Variants in PSMB7 observed in about 807,000 individuals in gnomAD.
The protein encoded by PSMB7 is proteasome subunit beta type-7.
In PSMB7, 5 loss-of-function variants were observed where a neutral mutation model predicts 28.1. The ratio of observed to expected loss-of-function variants is 0.18; its 90% CI spans 0.09 to 0.37. The LOEUF is 0.37. PSMB7 is among the 10% of genes least tolerant of loss of function. PSMB7 has a pLI of 1.00. For missense variants in PSMB7, 275 were observed against 346.2 expected (o/e 0.79, Z 1.63); for synonymous variants, 122 against 123.7 (o/e 0.99, Z 0.09).
At chr9:124,354,231 A>G (rs1830374087) in intron 7 of PSMB7, among the ~76,000 whole-genome samples, 1 of 152,206 alleles carries the variant, frequency 6.6e-6, no homozygotes, top group African/African-American at 2.4e-5. Context: ...AAGTCTCAAG[A>G]AAAGTTAACT....
At position 124,414,822 on chromosome 9, in the gene PSMB7, C is replaced by G. The variant is rs779699865; in HGVS notation, c.156+20G>C. On this transcript the variant is annotated intron_variant, in intron 2 of 7. Coordinates refer to ENST00000259457, the MANE Select transcript of PSMB7 (RefSeq NM_002799.4). The stretch of plus-strand genomic sequence containing the variant: ...TGTTGCCGGTTCAGTCACTGCTGCT[C>G]TTAGCCTAACCCGGCTTACCTTATA... The G allele has an allele frequency of 6.2e-7, 1 of 1,606,794 alleles. No homozygotes were observed.
At chr9:124,365,787 C>T (rs1472473316) in intron 6 of PSMB7, among the ~76,000 whole-genome samples, 9 of 152,072 alleles carry the variant, frequency 5.9e-5, no homozygotes, top group South Asian at 2.1e-4. Context: ...TGGTGATGTG[C>T]ACCTGTAGTC....
chr9:124,372,039 T>C (rs1375137847), intron 6 of PSMB7, among the ~76,000 whole-genome samples: 2 of 152,250 alleles, frequency 1.3e-5, no homozygotes, highest in Non-Finnish European at 2.9e-5. Context: ...CTAGGAAATA[T>C]GTAAAGCAAA....
At chr9:124,393,946 G>A (rs1830817332) in intron 5 of PSMB7, among the ~76,000 whole-genome samples, 1 of 152,190 alleles carries the variant, frequency 6.6e-6, no homozygotes, top group African/African-American at 2.4e-5. Flanking sequence ...TGCACCACGA[G>A]GCCACACCGG....
At chr9:124,389,964 GC>G (rs1229471009) in intron 5 of PSMB7, among the ~76,000 whole-genome samples, 2 of 152,156 alleles carry the variant, frequency 1.3e-5, no homozygotes, top group African/African-American at 2.4e-5. Flanking sequence ...TAAAATAAAA[GC>G]CCTGAAACTC....
intron 5 of PSMB7, among the ~76,000 whole-genome samples, chr9:124,389,373 A>G (rs1830761162): frequency 6.6e-6 from 1 of 152,154 alleles, no homozygotes; most frequent in South Asian, 2.1e-4. Flanking sequence ...GCCTTTCAGC[A>G]CACCCACGGT....
At chr9:124,360,729 T>G (rs1345043692) in intron 6 of PSMB7, among the ~76,000 whole-genome samples, 2 of 152,242 alleles carry the variant, frequency 1.3e-5, no homozygotes, top group Admixed American at 6.5e-5. Context: ...CAGAATGGGT[T>G]TGAATCCCCA....
At chr9:124,408,503 T>C (rs1178907119) in intron 4 of PSMB7, among the ~76,000 whole-genome samples, 1 of 152,206 alleles carries the variant, frequency 6.6e-6, no homozygotes, top group African/African-American at 2.4e-5. Flanking sequence ...CCAAAAATTA[T>C]GATAATGATT....
Position 124,353,722 on chromosome 9 carries a change from A to G in PSMB7, c.723-13T>C, listed in dbSNP as rs756350660. On this transcript the variant is annotated splice_polypyrimidine_tract_variant and intron_variant, in intron 7 of 7. Coordinates refer to ENST00000259457, the MANE Select transcript of PSMB7 (RefSeq NM_002799.4). The stretch of plus-strand genomic sequence containing the variant: ...GTACCGGCCAAGCCTAGTAAGAGAA[A>G]AACAAAAGCACAGAGTTAGGATTCT... The G allele has an allele frequency of 6.3e-7, 1 of 1,576,550 alleles. No individual in the cohort carries two copies. The highest frequency in any genetic ancestry group is 8.7e-7 in the Non-Finnish European group (1 of 1,145,782).
intron 5 of PSMB7, among the ~76,000 whole-genome samples, chr9:124,396,587 C>T (rs940536329): frequency 2.6e-5 from 4 of 152,212 alleles, no homozygotes; most frequent in African/African-American, 9.6e-5. Flanking sequence ...ATGGCCCTGG[C>T]AGTGACCCCA....
At chr9:124,368,932 T>A (rs2131149297) in intron 6 of PSMB7, among the ~76,000 whole-genome samples, 1 of 152,316 alleles carries the variant, frequency 6.6e-6, no homozygotes, top group South Asian at 2.1e-4. Context: ...AGCCCACGTG[T>A]GCACACTCCA....
intron 6 of PSMB7, among the ~76,000 whole-genome samples, chr9:124,377,185 T>C (rs1017535764): frequency 6.6e-6 from 1 of 152,170 alleles, no homozygotes; most frequent in African/African-American, 2.4e-5. Context: ...ACAGGCCGCA[T>C]CTAACGCTCA....
chr9:124,382,362 C>G (rs1263143520), intron 6 of PSMB7, among the ~76,000 whole-genome samples: 3 of 150,988 alleles, frequency 2.0e-5, no homozygotes, highest in Non-Finnish European at 4.4e-5. Context: ...CGCCCGGTAC[C>G]ACGTCCGGCT....
At chr9:124,354,434 G>A (rs1447980116) in intron 7 of PSMB7, among the ~76,000 whole-genome samples, 4 of 152,222 alleles carry the variant, frequency 2.6e-5, no homozygotes, top group Non-Finnish European at 5.9e-5. Flanking sequence ...CTCTGCTCTA[G>A]CCCCAGCTGG....
chr9:124,369,937 C>T (rs1830545313), intron 6 of PSMB7, among the ~76,000 whole-genome samples: 1 of 152,190 alleles, frequency 6.6e-6, no homozygotes, highest in African/African-American at 2.4e-5. Flanking sequence ...ATAGTCCCTG[C>T]TTGTGGGCCT....
At chr9:124,409,671 G>A (rs1331485433) in intron 4 of PSMB7, among the ~76,000 whole-genome samples, 50 of 152,218 alleles carry the variant, frequency 3.3e-4, no homozygotes, top group Admixed American at 3.3e-3. Context: ...AGGCTCTGTA[G>A]TATGCAAGGT....
chr9:124,381,122 C>T (rs570474736), intron 6 of PSMB7, among the ~76,000 whole-genome samples: 9 of 152,270 alleles, frequency 5.9e-5, no homozygotes, highest in Non-Finnish European at 1.0e-4. Flanking sequence ...ACATTTCAAA[C>T]GCTCGATAAC....
At chr9:124,364,402 G>A (rs1830488839) in intron 6 of PSMB7, among the ~76,000 whole-genome samples, 4 of 151,930 alleles carry the variant, frequency 2.6e-5, no homozygotes, top group Non-Finnish European at 1.5e-5. Flanking sequence ...AGCTTCCAGA[G>A]GGAAAAGAAC....
At chr9:124,377,497 A>C (rs1236872330) in intron 6 of PSMB7, among the ~76,000 whole-genome samples, 1 of 152,242 alleles carries the variant, frequency 6.6e-6, no homozygotes, top group Non-Finnish European at 1.5e-5. Context: ...TACAAAAAAA[A>C]CACACACACA....
Sources: gnomAD v4.1 joint callset for allele counts (sites outside exome capture counted in the v4.1 genomes callset) on GRCh38, gnomAD v4.1.1 for gene constraint, MANE v1.5 for transcripts, NCBI Gene and HGNC (gene_info 2026-07-23, HGNC 2026-07-21) for gene names.